COL26A1: variants seen among roughly 807,000 people sequenced by gnomAD.
COL26A1 encodes the protein collagen type XXVI alpha 1 chain.
In COL26A1, 41 loss-of-function variants were observed where a neutral mutation model predicts 59.3. The ratio of observed to expected loss-of-function variants is 0.69; its 90% CI spans 0.54 to 0.90. The LOEUF (loss-of-function observed/expected upper bound fraction) is 0.90, where lower values mean the gene tolerates loss of function less well. Ranked by LOEUF, COL26A1 falls within the 40% of genes least tolerant of loss-of-function variation. The pLI is 0.00. For synonymous variants in COL26A1, 266 were observed against 256.0 expected (o/e 1.04, Z -0.37); for missense variants, 612 against 602.3 (o/e 1.02, Z -0.17).
intron 1 of COL26A1, among the ~76,000 whole-genome samples, chr7:101,401,641 AGAGGAGGAGGTG>A (rs1792002756): frequency 8.0e-6 from 1 of 124,312 alleles, no homozygotes; most frequent in Admixed American, 9.0e-5. Flanking sequence ...CAGAAGAGGG[AGAGGAGGAGGTG>A]GAGGAGGAAG....
Position 101,553,690 on chromosome 7 carries a change from G to T in COL26A1, c.1080+314G>T, listed in dbSNP as rs962348014. On this transcript the variant is annotated intron_variant, in intron 11 of 12. Coordinates refer to ENST00000313669, the MANE Select transcript of COL26A1 (RefSeq NM_001278563.3). ...TGTAGGAAAGACAGTCTCCCTGGAGGAGGCGTCAGGCTGCAGAGTCCCTCT... is the reference window on the plus strand; with the variant it reads ...TGTAGGAAAGACAGTCTCCCTGGAGTAGGCGTCAGGCTGCAGAGTCCCTCT... Among the ~76,000 whole-genome samples, 4 of 152,296 alleles carry T rather than the reference G, an allele frequency of 2.6e-5. No individual in the cohort carries two copies. In the South Asian group the frequency reaches 8.3e-4, roughly 32 times the overall value.
intron 1 of COL26A1, among the ~76,000 whole-genome samples, chr7:101,408,535 C>T (rs956935900): frequency 6.6e-6 from 1 of 152,150 alleles, no homozygotes; most frequent in Non-Finnish European, 1.5e-5. Flanking sequence ...CACAGCCCAA[C>T]ATCTACCACA....
intron 2 of COL26A1, among the ~76,000 whole-genome samples, chr7:101,421,597 C>G (rs958260283): frequency 6.6e-6 from 1 of 151,742 alleles, no homozygotes; most frequent in African/African-American, 2.4e-5. Flanking sequence ...ATCACTTGAA[C>G]CCAGGAGGTG....
At chr7:101,536,216 A>G (rs1041780783) in intron 4 of COL26A1, among the ~76,000 whole-genome samples, 8 of 152,292 alleles carry the variant, frequency 5.3e-5, no homozygotes, top group East Asian at 3.9e-4. Context: ...GGGTTTCCCT[A>G]TGTTGGCCAG....
rs116894621 is a variant in COL26A1 at position 101,377,530 on chromosome 7, G to A, written c.158+14340G>A. Among the ~76,000 whole-genome samples the A allele has an allele frequency of 1.2e-3, 179 of 152,266 alleles. 1 individual carries two copies. Among genetic ancestry groups the A allele is most frequent in the Non-Finnish European group, 1.6e-3 (106 of 68,034 alleles). On this transcript the variant is annotated intron_variant, in intron 1 of 12. Coordinates refer to ENST00000313669, the MANE Select transcript of COL26A1 (RefSeq NM_001278563.3). ...CAGCCTTGACTGTCTGGACTCAAGTGATCCTTCCACCTTAGCCTCTCGAGT... is the reference window on the plus strand; with the variant it reads ...CAGCCTTGACTGTCTGGACTCAAGTAATCCTTCCACCTTAGCCTCTCGAGT...
chr7:101,388,967 G>T, intron 1 of COL26A1: 1 of 288,246 alleles, frequency 3.5e-6, no homozygotes, highest in South Asian at 4.1e-5. Flanking sequence ...CAATTCCTCT[G>T]ACAAGGACAG....
intron 3 of COL26A1, among the ~76,000 whole-genome samples, chr7:101,491,867 G>A (rs773334203): frequency 4.6e-5 from 7 of 152,186 alleles, no homozygotes; most frequent in Admixed American, 1.3e-4. Context: ...GGGAATGCAC[G>A]CAGTAGATCT....
At chr7:101,398,889 CTG>C (rs1232352263) in intron 1 of COL26A1, among the ~76,000 whole-genome samples, 1 of 152,080 alleles carries the variant, frequency 6.6e-6, no homozygotes, top group Non-Finnish European at 1.5e-5. Flanking sequence ...GGGGCTGATT[CTG>C]TGCTGGGAAG....
chr7:101,365,047 T>C (rs955552542), intron 1 of COL26A1, among the ~76,000 whole-genome samples: 3 of 152,150 alleles, frequency 2.0e-5, no homozygotes, highest in Admixed American at 2.0e-4. Context: ...CAGTCATGGC[T>C]GAATAGGGCG....
In COL26A1 at chr7:101,489,664, C is replaced by CTTTCTTTCTTT. The variant is rs1563007363; in HGVS notation, c.385+41877_385+41878insTTTCTTTCTTT. Reference sequence around the variant, plus strand: ...TTCTTTCTTTCTTTCTTTCTTTCTTCCTTCCTTCCTTCCTTCCTTTCTTTC... The same window carrying CTTTCTTTCTTT: ...TTCTTTCTTTCTTTCTTTCTTTCTTCTTTCTTTCTTTCTTCCTTCCTTCCTTCCTTTCTTTC... On this transcript the variant is annotated intron_variant, in intron 3 of 12. Coordinates refer to ENST00000313669, the MANE Select transcript of COL26A1 (RefSeq NM_001278563.3). 3.5e-4 allele frequency among the ~76,000 whole-genome samples: 8 copies of CTTTCTTTCTTT among 22,694 alleles called. 1 individual carries two copies. The highest frequency in any genetic ancestry group is 1.3e-3 in the African/African-American group (4 of 3,056). The allele number at this position is 22,694 out of a possible 152,430, so 14.9% of individuals were successfully genotyped here.
At chr7:101,367,886 A>G (rs1791087673) in intron 1 of COL26A1, among the ~76,000 whole-genome samples, 2 of 152,198 alleles carry the variant, frequency 1.3e-5, no homozygotes, top group South Asian at 4.1e-4. Flanking sequence ...GTATTCTGTT[A>G]CGGCAACCTT....
At chr7:101,499,020 A>C (rs1794645925) in intron 3 of COL26A1, among the ~76,000 whole-genome samples, 1 of 152,182 alleles carries the variant, frequency 6.6e-6, no homozygotes, top group Admixed American at 6.5e-5. Flanking sequence ...GTTTGTAATA[A>C]TTGTACTTGA....
intron 1 of COL26A1, among the ~76,000 whole-genome samples, chr7:101,384,316 A>G (rs1433301987): frequency 6.8e-6 from 1 of 147,706 alleles, no homozygotes; most frequent in Non-Finnish European, 1.5e-5. Flanking sequence ...GGCTTACTGC[A>G]ACCTCCGCCT....
At chr7:101,380,683 T>C (rs994572198) in intron 1 of COL26A1, among the ~76,000 whole-genome samples, 30 of 152,202 alleles carry the variant, frequency 2.0e-4, no homozygotes, top group African/African-American at 7.2e-4. Flanking sequence ...CACACCCTGA[T>C]CAGTCTTTGT....
intron 5 of COL26A1, among the ~76,000 whole-genome samples, chr7:101,540,710 C>A (rs547734773): frequency 1.3e-5 from 2 of 151,738 alleles, no homozygotes; most frequent in East Asian, 3.9e-4. Flanking sequence ...AAAAATTAGC[C>A]CAGCATGATT....
At chr7:101,379,887 T>C (rs2117026602) in intron 1 of COL26A1, among the ~76,000 whole-genome samples, 1 of 152,342 alleles carries the variant, frequency 6.6e-6, no homozygotes, top group East Asian at 1.9e-4. Context: ...AATCCACCCC[T>C]TGTTTAGCAT....
chr7:101,440,975 C>CAA (rs71891771), intron 2 of COL26A1, among the ~76,000 whole-genome samples: 2,261 of 100,376 alleles, frequency 0.023, 29 homozygotes, highest in Non-Finnish European at 0.04. Context: ...GACTCCGTCT[C>CAA]AAAAAAAAAA....
intron 3 of COL26A1, among the ~76,000 whole-genome samples, chr7:101,467,186 T>A (rs1793783176): frequency 1.3e-5 from 2 of 151,834 alleles, no homozygotes; most frequent in Admixed American, 1.3e-4. Context: ...CAGGGGTAAA[T>A]ACCTGAGGTT....
chr7:101,371,592 C>A (rs1198463185), intron 1 of COL26A1, among the ~76,000 whole-genome samples: 1 of 96,134 alleles, frequency 1.0e-5, no homozygotes, highest in African/African-American at 6.8e-5. Flanking sequence ...TTGAGACCAG[C>A]CCGGGAAATA....
Sources: gnomAD v4.1 joint callset for allele counts (sites outside exome capture counted in the v4.1 genomes callset) on GRCh38, gnomAD v4.1.1 for gene constraint, MANE v1.5 for transcripts, NCBI Gene and HGNC (gene_info 2026-07-23, HGNC 2026-07-21) for gene names.